ZNF717: variants seen among roughly 807,000 people sequenced by gnomAD.
ZNF717 encodes zinc finger protein 717, also known as krueppel-like factor X17.
ZNF717 carries 9 observed loss-of-function variants against 13.8 expected under a neutral mutation model. That is an observed-to-expected ratio of 0.65 (90% CI 0.39 to 1.14). The LOEUF (loss-of-function observed/expected upper bound fraction) is 1.14, where lower values mean the gene tolerates loss of function less well. ZNF717 is among the 50% of genes most tolerant of loss of function. The pLI, the probability that ZNF717 is intolerant of heterozygous loss-of-function variation, is 0.01. For missense variants in ZNF717, 1,040 were observed against 1,080.7 expected (o/e 0.96, Z 0.53); for synonymous variants, 327 against 364.1 (o/e 0.90, Z 1.16).
chr3:75,769,376 C>T lies in ZNF717; in HGVS notation c.57+13930G>A, dbSNP rs144938367. Among the ~76,000 whole-genome samples, 19 of 152,106 alleles carry T rather than the reference C, an allele frequency of 1.2e-4. No homozygotes were observed. In the East Asian group the frequency reaches 3.1e-3, roughly 25 times the overall value. ...CCACTAGAGTCCTTCTGGGTGCCTG[C>T]TCCACGTCCCCAGCCACTAGAGTCC... On this transcript the variant is annotated intron_variant, in intron 2 of 4. Transcript: ENST00000652011.
chr3:75,766,374 A>AATGGAG (rs1294544535), intron 2 of ZNF717, among the ~76,000 whole-genome samples: 1 of 152,192 alleles, frequency 6.6e-6, no homozygotes, highest in African/African-American at 2.4e-5. Context: ...AAAAAGCTTC[A>AATGGAG]ATGGAGATGT....
At chr3:75,718,965 A>G (rs1239508409) in intron 4 of ZNF717, among the ~76,000 whole-genome samples, 2 of 152,152 alleles carry the variant, frequency 1.3e-5, no homozygotes, top group Non-Finnish European at 2.9e-5. Context: ...GTCCTGTTTG[A>G]GGGTCTTTTC....
intron 4 of ZNF717, among the ~76,000 whole-genome samples, chr3:75,724,907 C>T (rs532888691): frequency 1.3e-5 from 2 of 152,396 alleles, no homozygotes; most frequent in Admixed American, 1.3e-4. Context: ...CTCCCAGACC[C>T]ATCACACCTG....
exon 6 of ZNF717, chr3:75,730,442 G>A: frequency 7.9e-6 from 4 of 504,056 alleles, no homozygotes; most frequent in Middle Eastern, 2.8e-4. Flanking sequence ...TATCTGCCAT[G>A]ATCACAGCTA....
chr3:75,728,519 A>G (rs1938343931), downstream of ZNF717, among the ~76,000 whole-genome samples: 1 of 152,242 alleles, frequency 6.6e-6, no homozygotes, highest in African/African-American at 2.4e-5. Context: ...AATTGCAATA[A>G]TCCCCATGTG....
At position 75,756,895 on chromosome 3, in the gene ZNF717, C is replaced by T. The variant is rs999802216; in HGVS notation, c.58-15159G>A. 2.6e-5 allele frequency among the ~76,000 whole-genome samples: 4 copies of T among 152,270 alleles called. 1 individual carries two copies. The highest frequency in any genetic ancestry group is 2.9e-5 in the Non-Finnish European group (2 of 68,022). On this transcript the variant is annotated intron_variant, in intron 2 of 4. Transcript: ENST00000652011. ...TTCTCCACGTTGGTCACACTGGTGT[C>T]GAACTCCCGAACTCAGGTGATCTGC...
At chr3:75,782,707 T>A (rs1188315787) in intron 2 of ZNF717, among the ~76,000 whole-genome samples, 2 of 143,010 alleles carry the variant, frequency 1.4e-5, no homozygotes, top group African/African-American at 4.9e-5. Context: ...CAACACACTA[T>A]GCTTTAGCAG....
chr3:75,769,073 G>A (rs13079494), intron 2 of ZNF717, among the ~76,000 whole-genome samples: 1 of 151,992 alleles, frequency 6.6e-6, no homozygotes, highest in African/African-American at 2.4e-5. Context: ...ACTGCTGCAG[G>A]TTCCTACTAT....
chr3:75,730,528 C>T (rs1226557723), exon 6 of ZNF717: 1 of 681,834 alleles, frequency 1.5e-6, no homozygotes, highest in Non-Finnish European at 2.6e-6. Flanking sequence ...GACTTGGACA[C>T]ATCATGTTTG....
downstream of ZNF717, among the ~76,000 whole-genome samples, chr3:75,725,051 A>G (rs1482172967): frequency 1.3e-5 from 2 of 151,822 alleles, no homozygotes; most frequent in South Asian, 4.2e-4. Context: ...TCATGTTCCC[A>G]TCAGCCTGCA....
intron 2 of ZNF717, among the ~76,000 whole-genome samples, chr3:75,759,276 T>TG (rs1214161194): frequency 2.2e-5 from 3 of 135,366 alleles, no homozygotes; most frequent in Non-Finnish European, 4.9e-5. Flanking sequence ...AATGGTCATC[T>TG]AATTTTTTTT....
rs1423697552 is a variant in ZNF717, at chr3:75,737,799, T to C, written c.1824A>G (p.Ile608Met). ...TTTCCCCTGTGTGAGTTCTCTTGTG[T>C]ATCCCAAGGTTTAACTTATTGATAA... ...KTFINKLNLG[I>M]HKRTHTGERP... Residue 608 changes from isoleucine (I) to methionine (M), a missense_variant, in exon 5 of 5, where the codon ATA becomes ATG. Physicochemically the swap from Ile to Met is conservative, Grantham distance 10. Around this residue, in one of 3 missense-constraint regions of ZNF717, gnomAD observed 873 missense variants for 832.8 expected, o/e 1.05. Transcript: ENST00000652011. The C allele has an allele frequency of 1.3e-5, 20 of 1,551,644 alleles. No homozygotes were observed. The East Asian group carries it at 4.9e-4, about 38-fold the overall frequency.
rs1941019981 is a variant in ZNF717, at chr3:75,745,186, T to C, written c.58-3450A>G. On this transcript the variant is annotated intron_variant, in intron 2 of 4. Coordinates refer to ENST00000652011, the MANE Select transcript of ZNF717 (RefSeq NM_001290208.3). ...TTTTTTTCTTTCTGTCTTTTTAAAA[T>C]TACTTTATTAATATTTATTTTTAAT... is the stretch of plus-strand genomic sequence containing the variant. Among the ~76,000 whole-genome samples, 3 of 147,440 alleles carry C rather than the reference T, an allele frequency of 2.0e-5. No homozygotes were observed. In the East Asian group the frequency reaches 6.2e-4, roughly 30 times the overall value.
chr3:75,709,633 T>A (rs3009071), downstream of ZNF717: 121,965 of 147,106 alleles, frequency 0.83, 50,180 homozygotes, highest in East Asian at 0.88. Context: ...CCTTACAGAA[T>A]TTTTTTTTTG....
intron 2 of ZNF717, among the ~76,000 whole-genome samples, chr3:75,768,747 C>T (rs1215354094): frequency 9.9e-5 from 15 of 151,632 alleles, no homozygotes; most frequent in Non-Finnish European, 1.9e-4. Context: ...GCCACCACAA[C>T]CTGATTCAGT....
chr3:75,705,263 T>C (rs910195955), downstream of ZNF717, among the ~76,000 whole-genome samples: 8 of 152,296 alleles, frequency 5.3e-5, no homozygotes, highest in Non-Finnish European at 1.2e-4. Context: ...CCGTTCGATC[T>C]GACTCCTATT....
intron 2 of ZNF717, among the ~76,000 whole-genome samples, chr3:75,766,571 G>A (rs1367822886): frequency 6.6e-6 from 1 of 152,180 alleles, no homozygotes; most frequent in Non-Finnish European, 1.5e-5. Flanking sequence ...ACGAAAGCAG[G>A]AAGTTGACAA....
intron 6 of ZNF717, among the ~76,000 whole-genome samples, chr3:75,694,714 T>TAA (rs1937587418): frequency 1.5e-5 from 2 of 132,800 alleles, no homozygotes; most frequent in African/African-American, 5.5e-5. Flanking sequence ...CAATAAAGTA[T>TAA]AGTTTTTATT....
downstream of ZNF717, among the ~76,000 whole-genome samples, chr3:75,734,817 A>ATTTTTT (rs545474632): frequency 3.5e-5 from 2 of 57,552 alleles, no homozygotes; most frequent in Admixed American, 2.2e-4. Context: ...ATATATATAT[A>ATTTTTT]TTTTTTTTTT....
Sources: gnomAD v4.1 joint callset for allele counts (sites outside exome capture counted in the v4.1 genomes callset) on GRCh38, gnomAD v4.1.1 for gene constraint, gnomAD v4.1.1 regional missense constraint, MANE v1.5 for transcripts, NCBI Gene and HGNC (gene_info 2026-07-23, HGNC 2026-07-21) for gene names.